Variants in TBC1D30 observed in about 807,000 individuals in gnomAD.
The protein encoded by TBC1D30 is TBC1 domain family member 30, also known as TBC1 domain family, member 30.
In TBC1D30, 31 loss-of-function variants were observed where a neutral mutation model predicts 63.2. The observed-to-expected ratio is 0.49, with a 90% CI of 0.37 to 0.66. TBC1D30 has a LOEUF of 0.66. Among genes scored for constraint, TBC1D30 ranks in the 30% least tolerant of loss-of-function variants. The pLI, the probability that TBC1D30 is intolerant of heterozygous loss-of-function variation, is 0.00. For missense variants in TBC1D30, 810 were observed against 953.6 expected (o/e 0.85, Z 1.98); for synonymous variants, 307 against 361.5 (o/e 0.85, Z 1.71).
At chr12:64,773,331 AAAACTTCCTAGGAC>A (rs1302772091) in intron 1 of TBC1D30, among the ~76,000 whole-genome samples, 1 of 152,194 alleles carries the variant, frequency 6.6e-6, no homozygotes, top group African/African-American at 2.4e-5. Flanking sequence ...CAGAGATTTG[AAAACTTCCTAGGAC>A]AAAGTTCCTA....
exon 1 of TBC1D30, chr12:64,780,826 C>T (rs920491596): frequency 1.5e-5 from 15 of 995,376 alleles, no homozygotes; most frequent in Non-Finnish European, 1.6e-5. Context: ...TCCTTCCCAC[C>T]GGCGGGGGCC....
intron 1 of TBC1D30, among the ~76,000 whole-genome samples, chr12:64,826,917 T>TA (rs1488093123): frequency 5.3e-5 from 8 of 152,168 alleles, no homozygotes; most frequent in East Asian, 1.9e-4. Context: ...TATATATATA[T>TA]TTTTTAAAAG....
chr12:64,781,464 G>A (rs1003440579), intron 1 of TBC1D30, among the ~76,000 whole-genome samples: 1 of 152,202 alleles, frequency 6.6e-6, no homozygotes, highest in Non-Finnish European at 1.5e-5. Flanking sequence ...TAGTTCTTAA[G>A]TTCTCCGGAG....
chr12:64,842,407 A>G (rs191498997), intron 7 of TBC1D30, among the ~76,000 whole-genome samples: 2 of 152,150 alleles, frequency 1.3e-5, no homozygotes, highest in Admixed American at 1.3e-4. Flanking sequence ...AATACCTGGT[A>G]CTCTTTGTTT....
At chr12:64,803,585 C>G (rs1872703820) in intron 2 of TBC1D30, among the ~76,000 whole-genome samples, 2 of 152,286 alleles carry the variant, frequency 1.3e-5, no homozygotes, top group East Asian at 3.9e-4. Flanking sequence ...TGCCTATGTT[C>G]TGAATTGTAT....
At chr12:64,784,599 CAT>C (rs1871455010) in intron 1 of TBC1D30, among the ~76,000 whole-genome samples, 1 of 150,290 alleles carries the variant, frequency 6.7e-6, no homozygotes, top group Non-Finnish European at 1.5e-5. Context: ...AGTGACTAAT[CAT>C]ATCAAATGTG....
chr12:64,806,624 C>G (rs1872888972), intron 2 of TBC1D30, among the ~76,000 whole-genome samples: 1 of 152,036 alleles, frequency 6.6e-6, no homozygotes, highest in Non-Finnish European at 1.5e-5. Context: ...ATGGTGGTTC[C>G]TCAAAAAATA....
intron 2 of TBC1D30, among the ~76,000 whole-genome samples, chr12:64,819,321 C>A (rs1007830971): frequency 3.3e-5 from 5 of 151,936 alleles, no homozygotes; most frequent in Admixed American, 6.6e-5. Flanking sequence ...TGCTGCCCTG[C>A]CCCTTCATCT....
chr12:64,845,026 T>A (rs980033061), intron 8 of TBC1D30, among the ~76,000 whole-genome samples: 1 of 152,200 alleles, frequency 6.6e-6, no homozygotes, highest in Non-Finnish European at 1.5e-5. Context: ...GGTTGATGGA[T>A]ACTTAGGTTG....
At chr12:64,825,710 C>G (rs1275349494) in intron 1 of TBC1D30, 2 of 152,360 alleles carry the variant, frequency 1.3e-5, no homozygotes, top group Non-Finnish European at 2.9e-5. Flanking sequence ...GCTCCATCAC[C>G]CGGCATCCCT....
intron 2 of TBC1D30, among the ~76,000 whole-genome samples, chr12:64,800,931 G>A (rs1356487133): frequency 1.3e-5 from 2 of 152,148 alleles, no homozygotes; most frequent in African/African-American, 4.8e-5. Flanking sequence ...ATTACACTTG[G>A]TTTCTCAGCA....
At chr12:64,836,737 T>C (rs1329349496) in intron 6 of TBC1D30, 79 bp downstream of exon 6, 1 of 1,285,986 alleles carries the variant, frequency 7.8e-7, no homozygotes, top group African/African-American at 1.5e-5. Flanking sequence ...AAACATTGAA[T>C]GGAAATATGT....
intron 1 of TBC1D30, among the ~76,000 whole-genome samples, chr12:64,784,898 A>G (rs1485753023): frequency 6.6e-6 from 1 of 151,946 alleles, no homozygotes; most frequent in East Asian, 1.9e-4. Context: ...TGTTGTGAAT[A>G]TTAGTTTTAT....
intron 8 of TBC1D30, among the ~76,000 whole-genome samples, chr12:64,861,839 C>A (rs141540428): frequency 9.7e-4 from 148 of 152,240 alleles, no homozygotes; most frequent in African/African-American, 3.4e-3. Flanking sequence ...GGTGGGAGAT[C>A]TTATGTACTG....
At chr12:64,769,654 GGGATTACA>G (rs1230387072) in intron 1 of TBC1D30, among the ~76,000 whole-genome samples, 1 of 151,262 alleles carries the variant, frequency 6.6e-6, no homozygotes, top group East Asian at 1.9e-4. Flanking sequence ...CCAAAATGCT[GGGATTACA>G]GGTGTGAGCC....
chr12:64,799,591 T>G (rs1872486300), intron 2 of TBC1D30, among the ~76,000 whole-genome samples: 1 of 152,180 alleles, frequency 6.6e-6, no homozygotes, highest in South Asian at 2.1e-4. Flanking sequence ...TAATATAATT[T>G]TTTAACTCTT....
chr12:64,772,597 T>G (rs1482898671), intron 1 of TBC1D30, among the ~76,000 whole-genome samples: 1 of 151,952 alleles, frequency 6.6e-6, no homozygotes, highest in East Asian at 1.9e-4. Flanking sequence ...GCCTAGCTCA[T>G]TTTTGTATTT....
Position 64,876,065 on chromosome 12 carries a change from T to C in TBC1D30, c.*277T>C, listed in dbSNP as rs1879050662. 1 of 377,268 alleles carries C rather than the reference T, an allele frequency of 2.7e-6. No homozygotes were observed. The allele number at this position is 377,268 out of a possible 1,614,324, so 23.4% of individuals were successfully genotyped here. On this transcript the variant is annotated 3_prime_UTR_variant, in exon 12 of 12. Transcript: ENST00000539867. ...TTCCCAATTTTTCATTGTGAGCTGT[T>C]TAAAAAAGACTATATCTAGATTGTT...
chr12:64,787,013 G>A (rs561693410), intron 2 of TBC1D30, among the ~76,000 whole-genome samples: 6 of 151,944 alleles, frequency 3.9e-5, no homozygotes, highest in South Asian at 2.1e-4. Flanking sequence ...TAACCTAAAA[G>A]GCATGTCCTT....
Sources: allele counts gnomAD v4.1 joint callset (sites outside exome capture counted in the v4.1 genomes callset), GRCh38; gene constraint gnomAD v4.1.1; transcripts MANE v1.5; gene names NCBI Gene and HGNC (gene_info 2026-07-23, HGNC 2026-07-21).